Variants in LTBP1 observed in about 807,000 individuals in gnomAD.
The protein encoded by LTBP1 is latent-transforming growth factor beta-binding protein 1.
A neutral mutation model predicts 207.6 loss-of-function variants in LTBP1; 129 were observed. The observed-to-expected ratio is 0.62, with a 90% CI of 0.54 to 0.72. The LOEUF is 0.72. Among genes scored for constraint, LTBP1 ranks in the 30% least tolerant of loss-of-function variants. LTBP1 has a pLI of 0.00. For synonymous variants in LTBP1, 963 were observed against 833.7 expected (o/e 1.16, Z -2.67); for missense variants, 2,281 against 2,217.2 (o/e 1.03, Z -0.58).
rs574335462 is a variant in LTBP1, at chr2:33,320,612, G to A, written c.3730+5343G>A. On this transcript the variant is annotated intron_variant, in intron 24 of 33. Transcript: ENST00000404816. Reference sequence around the variant, plus strand: ...GTCTTCTACTGGCGAAGTGATAAAAGCCCATCAATAAATAGGTAAGGGAGC... The same window carrying A: ...GTCTTCTACTGGCGAAGTGATAAAAACCCATCAATAAATAGGTAAGGGAGC... Among the ~76,000 whole-genome samples the A allele has an allele frequency of 5.9e-5, 9 of 152,260 alleles. No individual in the cohort carries two copies. In the South Asian group the frequency reaches 1.9e-3, roughly 32 times the overall value.
chr2:33,200,280 A>G (rs1275708270), intron 7 of LTBP1, among the ~76,000 whole-genome samples: 4 of 152,236 alleles, frequency 2.6e-5, no homozygotes, highest in East Asian at 3.8e-4. Flanking sequence ...AAACAGAGAT[A>G]TAAATCAATG....
intron 5 of LTBP1, among the ~76,000 whole-genome samples, chr2:33,164,236 C>G (rs1459255355): frequency 1.3e-5 from 2 of 150,906 alleles, no homozygotes; most frequent in Non-Finnish European, 2.9e-5. Context: ...GTAATCCCAG[C>G]TGCTTGGGAG....
chr2:33,000,968 C>T (rs1685996359), intron 2 of LTBP1, among the ~76,000 whole-genome samples: 1 of 134,530 alleles, frequency 7.4e-6, no homozygotes, highest in African/African-American at 2.6e-5. Context: ...CAAGTCATAG[C>T]TGTTCATTGA....
chr2:33,028,527 G>A (rs4287809), intron 3 of LTBP1, among the ~76,000 whole-genome samples: 8,116 of 152,140 alleles, frequency 0.053, 537 homozygotes, highest in East Asian at 0.28. Context: ...AATTAGCTGG[G>A]CATAGTGGCG....
rs541419286 is a variant in LTBP1, at chr2:33,104,169, A to C, written c.864-6413A>C. Among the ~76,000 whole-genome samples the C allele has an allele frequency of 4.6e-5, 7 of 152,310 alleles. No homozygotes were observed. The South Asian group carries it at 1.5e-3, about 32-fold the overall frequency. On this transcript the variant is annotated intron_variant, in intron 3 of 33. Coordinates refer to ENST00000404816, the MANE Select transcript of LTBP1 (RefSeq NM_206943.4). ...AAAAGTTTAGTCTGTCTGTGCGCCA[A>C]AAATTGCCACTAGGAAGGCAGCAGT...
intron 8 of LTBP1, among the ~76,000 whole-genome samples, chr2:33,221,292 G>A (rs149200904): frequency 6.6e-6 from 1 of 152,140 alleles, no homozygotes; most frequent in African/African-American, 2.4e-5. Flanking sequence ...TAGAATTTCT[G>A]TGTGAAACCC....
intron 31 of LTBP1, among the ~76,000 whole-genome samples, chr2:33,366,690 G>A (rs560210133): frequency 3.3e-5 from 5 of 152,314 alleles, no homozygotes; most frequent in East Asian, 3.9e-4. Flanking sequence ...TTTGTAAAAC[G>A]GAGGCGTCTA....
intron 26 of LTBP1, among the ~76,000 whole-genome samples, chr2:33,351,378 T>C (rs898482010): frequency 6.6e-6 from 1 of 152,250 alleles, no homozygotes; most frequent in Non-Finnish European, 1.5e-5. Context: ...TTTCTAATTT[T>C]AGGGCTGAGG....
chr2:33,321,868 A>C (rs1287741396), intron 24 of LTBP1, among the ~76,000 whole-genome samples: 1 of 152,240 alleles, frequency 6.6e-6, no homozygotes, highest in Non-Finnish European at 1.5e-5. Flanking sequence ...AGGATCATAC[A>C]ACATTCTAGG....
chr2:33,092,826 A>G (rs940792764), intron 3 of LTBP1, among the ~76,000 whole-genome samples: 6 of 152,040 alleles, frequency 3.9e-5, no homozygotes, highest in South Asian at 2.1e-4. Context: ...TAAATTCTCA[A>G]ATTCTTCTGA....
At chr2:33,378,086 CAG>C (rs2095164608) in intron 31 of LTBP1, among the ~76,000 whole-genome samples, 1 of 152,008 alleles carries the variant, frequency 6.6e-6, no homozygotes, top group Admixed American at 6.6e-5. Context: ...CCTGTGAAAT[CAG>C]AGATTATGAA....
chr2:33,110,514 C>A, intron 3 of LTBP1, 68 bp from the exon 4 acceptor site: 1 of 1,432,814 alleles, frequency 7.0e-7, no homozygotes, highest in Non-Finnish European at 9.6e-7. Flanking sequence ...GTTGCTTACC[C>A]TTTCCTTATT....
chr2:33,065,174 C>T lies in LTBP1; in HGVS notation c.863+43968C>T, dbSNP rs193289682. Among the ~76,000 whole-genome samples, 6 of 152,194 alleles carry T rather than the reference C, an allele frequency of 3.9e-5. No individual in the cohort carries two copies. The East Asian group carries it at 9.7e-4, about 24-fold the overall frequency. ...TGTAGTGTGATCATCAATAAAAATA[C>T]GATTATTTTTTATTCCTTTATTCTG... On this transcript the variant is annotated intron_variant, in intron 3 of 33. Transcript: ENST00000404816.
chr2:32,951,546 G>A (rs1314467315), intron 2 of LTBP1, among the ~76,000 whole-genome samples: 5 of 152,186 alleles, frequency 3.3e-5, no homozygotes, highest in Non-Finnish European at 7.3e-5. Flanking sequence ...TGCCAGGAAA[G>A]ACCCCCGGCT....
chr2:33,225,496 G>A (rs1335106911), intron 9 of LTBP1, among the ~76,000 whole-genome samples: 2 of 152,178 alleles, frequency 1.3e-5, no homozygotes, highest in Non-Finnish European at 2.9e-5. Context: ...ATGGATGGCA[G>A]CAGGCAAAAG....
chr2:33,332,563 AT>A (rs566217300), intron 24 of LTBP1, among the ~76,000 whole-genome samples: 129 of 146,284 alleles, frequency 8.8e-4, no homozygotes, highest in East Asian at 1.6e-3. Flanking sequence ...TATTTATTTA[AT>A]TTTTTTTTTT....
At chr2:33,182,218 G>A (rs2367619) in intron 5 of LTBP1, among the ~76,000 whole-genome samples, 78,628 of 151,742 alleles carry the variant, frequency 0.52, 20,588 homozygotes, top group African/African-American at 0.53. Flanking sequence ...CACGTATGCT[G>A]GTATAGTCCT....
chr2:33,323,592 G>C (rs1288020451), intron 24 of LTBP1, among the ~76,000 whole-genome samples: 1 of 151,762 alleles, frequency 6.6e-6, no homozygotes, highest in African/African-American at 2.4e-5. Flanking sequence ...TCACACCATT[G>C]CATTTCAGCC....
intron 2 of LTBP1, among the ~76,000 whole-genome samples, chr2:33,006,418 C>G (rs1474351094): frequency 7.5e-6 from 1 of 132,664 alleles, no homozygotes; most frequent in Non-Finnish European, 1.5e-5. Context: ...GAGTCTTGCT[C>G]TATCACCCAG....
Sources: gnomAD v4.1 joint callset for allele counts (sites outside exome capture counted in the v4.1 genomes callset) on GRCh38, gnomAD v4.1.1 for gene constraint, MANE v1.5 for transcripts, NCBI Gene and HGNC (gene_info 2026-07-23, HGNC 2026-07-21) for gene names.